CCDC88C: variants seen among roughly 807,000 people sequenced by gnomAD.
The protein encoded by CCDC88C is protein Daple.
In CCDC88C, 131 loss-of-function variants were observed where a neutral mutation model predicts 198.8. That is an observed-to-expected ratio of 0.66 (90% CI 0.57 to 0.76). The LOEUF (loss-of-function observed/expected upper bound fraction) is 0.76. Among genes scored for constraint, CCDC88C ranks in the 30% least tolerant of loss-of-function variants. CCDC88C has a pLI of 0.00. For synonymous variants in CCDC88C, 1,166 were observed against 1,114.7 expected (o/e 1.05, Z -0.92); for missense variants, 2,553 against 2,631.6 (o/e 0.97, Z 0.65).
chr14:91,356,289 G>A lies in CCDC88C; in HGVS notation c.340+3353C>T, dbSNP rs561476130. ...GGACCCCTGTCAAACCTACTCATCC[G>A]TGCACCCAGCTCCCCGTCCCCCAGC... is the stretch of plus-strand genomic sequence containing the variant. On this transcript the variant is annotated intron_variant, in intron 4 of 29. Transcript: ENST00000389857. Among the ~76,000 whole-genome samples the A allele has an allele frequency of 1.9e-3, 289 of 152,228 alleles. 1 individual carries two copies. The highest frequency in any genetic ancestry group is 6.0e-3 in the African/African-American group (249 of 41,544).
intron 12 of CCDC88C, among the ~76,000 whole-genome samples, chr14:91,323,634 T>G (rs1892448785): frequency 6.6e-6 from 1 of 152,222 alleles, no homozygotes; most frequent in African/African-American, 2.4e-5. Flanking sequence ...GGTATTAACT[T>G]TAAAGAGCTC....
intron 3 of CCDC88C, among the ~76,000 whole-genome samples, chr14:91,388,549 G>A (rs1000338229): frequency 1.3e-5 from 2 of 152,208 alleles, no homozygotes; most frequent in African/African-American, 2.4e-5. Flanking sequence ...TAGCAGCCTT[G>A]AGCAGACGGT....
At chr14:91,301,726 A>G (rs895108099) in intron 20 of CCDC88C, among the ~76,000 whole-genome samples, 4 of 152,226 alleles carry the variant, frequency 2.6e-5, no homozygotes, top group African/African-American at 7.2e-5. Context: ...CAAAATAAAG[A>G]AAGAAGGAAA....
rs142046936 is a variant in CCDC88C, at chr14:91,381,857, T to C, written c.271-22146A>G. ...AAAACAACAAAAAACCGGCCCTTTC[T>C]TGCGAGACTCAGCTCACTCCTCTCT... On this transcript the variant is annotated intron_variant, in intron 3 of 29. Coordinates refer to ENST00000389857, the MANE Select transcript of CCDC88C (RefSeq NM_001080414.4). The surrounding 1 kb of genome is among the most constrained non-coding windows in gnomAD (Gnocchi z 4.2). Among the ~76,000 whole-genome samples the C allele has an allele frequency of 5.3e-4, 80 of 152,196 alleles. No homozygotes were observed. In the East Asian group the frequency reaches 0.011, roughly 21 times the overall value.
At chr14:91,366,187 CACACACACACACACAG>C (rs954374545) in intron 3 of CCDC88C, among the ~76,000 whole-genome samples, 1 of 144,744 alleles carries the variant, frequency 6.9e-6, no homozygotes, top group African/African-American at 2.9e-5. Context: ...CACACACACA[CACACACACACACACAG>C]GGCTGGGCAT....
chr14:91,297,500 G>A lies in CCDC88C; in HGVS notation c.3780-9C>T. On this transcript the variant is annotated splice_polypyrimidine_tract_variant and intron_variant, in intron 21 of 29. Transcript: ENST00000389857. ...GGTGCAGGAAATTGACCCTGGAGGA[G>A]GAAGAGTCACAGGGCAAAGGAGCTG... The A allele has an allele frequency of 6.4e-7, 1 of 1,552,486 alleles. No individual in the cohort carries two copies. The highest frequency in any genetic ancestry group is 8.7e-7 in the Non-Finnish European group (1 of 1,147,386).
chr14:91,411,385 AAG>A (rs1886778776), intron 2 of CCDC88C, among the ~76,000 whole-genome samples: 1 of 152,202 alleles, frequency 6.6e-6, no homozygotes, highest in South Asian at 2.1e-4. Context: ...TGGTTCCATG[AAG>A]CCTACATCTG....
At position 91,304,753 on chromosome 14, in the gene CCDC88C, A is replaced by C. The variant is rs377515260; in HGVS notation, c.3358-775T>G. Reference sequence around the variant, plus strand: ...ATCATCAGAAAACTGAAGAGGAGGGAATACTTCCCAAATCATTTTATGAAG... The same window carrying C: ...ATCATCAGAAAACTGAAGAGGAGGGCATACTTCCCAAATCATTTTATGAAG... On this transcript the variant is annotated intron_variant, in intron 19 of 29. Coordinates refer to ENST00000389857, the MANE Select transcript of CCDC88C (RefSeq NM_001080414.4). 1.7e-3 allele frequency among the ~76,000 whole-genome samples: 264 copies of C among 152,358 alleles called. 1 individual carries two copies. Among genetic ancestry groups the C allele is most frequent in the African/African-American group, 6.1e-3 (254 of 41,580 alleles).
intron 3 of CCDC88C, among the ~76,000 whole-genome samples, chr14:91,388,906 C>G (rs565369496): frequency 6.6e-5 from 10 of 152,324 alleles, no homozygotes; most frequent in African/African-American, 2.4e-4. Flanking sequence ...AACCCTGAAG[C>G]ACCTGAATGT....
Position 91,342,942 on chromosome 14 carries a change from G to A in CCDC88C, c.400-479C>T, listed in dbSNP as rs183250922. 2.3e-3 allele frequency among the ~76,000 whole-genome samples: 354 copies of A among 152,256 alleles called. 1 individual carries two copies. The highest frequency in any genetic ancestry group is 8.1e-3 in the African/African-American group (338 of 41,558). ...CAGCCACAGACAATATGTAAAGGTG[G>A]GCATGAGGCTGTGTTCCAATAAAAC... is the stretch of plus-strand genomic sequence containing the variant. On this transcript the variant is annotated intron_variant, in intron 5 of 29. Transcript: ENST00000389857.
At chr14:91,388,447 G>A (rs1279744519) in intron 3 of CCDC88C, among the ~76,000 whole-genome samples, 1 of 152,156 alleles carries the variant, frequency 6.6e-6, no homozygotes, top group Non-Finnish European at 1.5e-5. Context: ...GGCCCAGGCA[G>A]GTACCAGGTA....
intron 24 of CCDC88C, among the ~76,000 whole-genome samples, chr14:91,290,454 A>AG (rs1342535133): frequency 6.6e-6 from 1 of 152,228 alleles, no homozygotes; most frequent in Non-Finnish European, 1.5e-5. Context: ...GCCGTGGACA[A>AG]GGGGCAGCAC....
chr14:91,272,543 C>A lies in CCDC88C; in HGVS notation c.*82G>T, dbSNP rs1024106826. On this transcript the variant is annotated 3_prime_UTR_variant, in exon 30 of 30. Transcript: ENST00000389857. ...CTCATTCCAAACCCTCTCCTGGCAC[C>A]GCAGGCAAGCAAGAGAAAAGGCCGT... 5 of 1,429,588 alleles carry A rather than the reference C, an allele frequency of 3.5e-6. No individual in the cohort carries two copies. The African/African-American group carries it at 5.7e-5, about 16-fold the overall frequency. The allele number at this position is 1,429,588 out of a possible 1,614,324, so 88.6% of individuals were successfully genotyped here.
At chr14:91,351,576 G>C (rs937597989) in intron 4 of CCDC88C, among the ~76,000 whole-genome samples, 1 of 152,168 alleles carries the variant, frequency 6.6e-6, no homozygotes, top group African/African-American at 2.4e-5. Context: ...CTCTACGCAC[G>C]GGCTCACATT....
chr14:91,309,712 A>G, intron 16 of CCDC88C, 147 bp downstream of exon 16: 1 of 660,014 alleles, frequency 1.5e-6, no homozygotes, highest in Non-Finnish European at 2.3e-6. Flanking sequence ...AGAAACGACC[A>G]AGGAACTTTG....
At chr14:91,413,736 TTCTCCGGTTGCCGGAGACAA>T (rs1402104096) in intron 2 of CCDC88C, among the ~76,000 whole-genome samples, 1 of 152,206 alleles carries the variant, frequency 6.6e-6, no homozygotes, top group Non-Finnish European at 1.5e-5. Flanking sequence ...ACTAACAGCC[TTCTCCGGTTGCCGGAGACAA>T]TGGCCAGGTG....
At chr14:91,309,176 T>C (rs1386737133) in intron 16 of CCDC88C, among the ~76,000 whole-genome samples, 1 of 152,202 alleles carries the variant, frequency 6.6e-6, no homozygotes, top group African/African-American at 2.4e-5. Flanking sequence ...TTTTCATCAC[T>C]GAGCCGGGAT....
chr14:91,277,434 A>G (rs758180886), intron 29 of CCDC88C, among the ~76,000 whole-genome samples: 2 of 152,260 alleles, frequency 1.3e-5, no homozygotes, highest in Non-Finnish European at 2.9e-5. Context: ...GATGTCAGCC[A>G]TGTCCATCTA....
intron 10 of CCDC88C, among the ~76,000 whole-genome samples, chr14:91,330,094 G>A (rs1892754143): frequency 1.3e-5 from 2 of 152,244 alleles, no homozygotes; most frequent in Admixed American, 1.3e-4. Context: ...AGGTGCATGG[G>A]GCACAGAGGA....
Sources: gnomAD v4.1 joint callset for allele counts (sites outside exome capture counted in the v4.1 genomes callset) on GRCh38, gnomAD v4.1.1 for gene constraint, Gnocchi (gnomAD v3.1) non-coding constraint, MANE v1.5 for transcripts, NCBI Gene and HGNC (gene_info 2026-07-23, HGNC 2026-07-21) for gene names.